ACVR2A: variants seen among roughly 807,000 people sequenced by gnomAD.
The protein encoded by ACVR2A is activin A receptor type 2A, also known as activin receptor type-2A.
A neutral mutation model predicts 61.4 loss-of-function variants in ACVR2A; 7 were observed. The ratio of observed to expected loss-of-function variants is 0.11; its 90% confidence interval spans 0.06 to 0.21. The LOEUF is 0.21. Among genes scored for constraint, ACVR2A ranks in the 10% least tolerant of loss-of-function variants. The pLI, the probability that ACVR2A is intolerant of heterozygous loss-of-function variation, is 1.00. For missense variants in ACVR2A, 322 were observed against 621.7 expected (o/e 0.52, Z 5.13); for synonymous variants, 193 against 208.3 (o/e 0.93, Z 0.63).
At chr2:147,901,504 T>C (rs542258805) in intron 4 of ACVR2A, among the ~76,000 whole-genome samples, 24 of 152,020 alleles carry the variant, frequency 1.6e-4, no homozygotes, top group Non-Finnish European at 3.5e-4. Flanking sequence ...GTTTGGACTT[T>C]TAAAAAGGAT....
intron 1 of ACVR2A, among the ~76,000 whole-genome samples, chr2:147,885,152 T>C (rs1188679880): frequency 1.3e-5 from 2 of 152,160 alleles, no homozygotes; most frequent in African/African-American, 2.4e-5. Flanking sequence ...TGAATTCCTA[T>C]ACTGTGCTAG....
chr2:147,921,329 C>T (rs1687377004), intron 8 of ACVR2A, among the ~76,000 whole-genome samples: 1 of 152,128 alleles, frequency 6.6e-6, no homozygotes, highest in Non-Finnish European at 1.5e-5. Flanking sequence ...GCCACCACGC[C>T]CAGCCAAGAT....
intron 1 of ACVR2A, among the ~76,000 whole-genome samples, chr2:147,878,873 C>T (rs1195518676): frequency 6.6e-6 from 1 of 151,908 alleles, no homozygotes; most frequent in Non-Finnish European, 1.5e-5. Flanking sequence ...CATGCCACTG[C>T]ACTCCAGCCT....
At chr2:147,870,150 A>G (rs1379511969) in intron 1 of ACVR2A, among the ~76,000 whole-genome samples, 1 of 151,918 alleles carries the variant, frequency 6.6e-6, no homozygotes, top group African/African-American at 2.4e-5. Flanking sequence ...AATGTGGTGT[A>G]TTCTCTAAAG....
chr2:147,870,628 A>G (rs1387549637), intron 1 of ACVR2A, among the ~76,000 whole-genome samples: 3 of 152,176 alleles, frequency 2.0e-5, no homozygotes, highest in Admixed American at 6.5e-5. Flanking sequence ...AATATCATAG[A>G]TAATTGTCGT....
intron 1 of ACVR2A, among the ~76,000 whole-genome samples, chr2:147,863,974 C>T (rs975088515): frequency 2.0e-5 from 3 of 152,100 alleles, no homozygotes; most frequent in Admixed American, 6.5e-5. Flanking sequence ...TTGAAATTTG[C>T]TCATGTAGAA....
At chr2:147,900,007 T>G in intron 4 of ACVR2A, 109 bp downstream of exon 4, 2 of 1,236,798 alleles carry the variant, frequency 1.6e-6, no homozygotes, top group Non-Finnish European at 2.2e-6. Flanking sequence ...TTGGAGTTAA[T>G]TTTTGAATGT....
At chr2:147,923,234 G>A (rs755289568) in intron 9 of ACVR2A, 123 bp downstream of exon 9, 10 of 1,117,746 alleles carry the variant, frequency 8.9e-6, no homozygotes, top group Non-Finnish European at 1.2e-5. Context: ...CCAAGAGATG[G>A]TAGAGAATTC....
chr2:147,870,653 C>T (rs1010141884), intron 1 of ACVR2A, among the ~76,000 whole-genome samples: 1 of 152,138 alleles, frequency 6.6e-6, no homozygotes, highest in Non-Finnish European at 1.5e-5. Flanking sequence ...CTTTTAGTTG[C>T]AAGAACTGTT....
At chr2:147,864,883 G>C (rs1471322325) in intron 1 of ACVR2A, among the ~76,000 whole-genome samples, 1 of 152,076 alleles carries the variant, frequency 6.6e-6, no homozygotes, top group Non-Finnish European at 1.5e-5. Context: ...GTTTTTAATT[G>C]TCTAAGAAAA....
intron 4 of ACVR2A, 48 bp from the exon 5 acceptor site, chr2:147,915,143 G>A (rs1290125581): frequency 1.3e-6 from 2 of 1,576,632 alleles, no homozygotes; most frequent in African/African-American, 1.4e-5. Context: ...CAGAGTTGGT[G>A]TGTGTCATGT....
intron 1 of ACVR2A, among the ~76,000 whole-genome samples, chr2:147,846,222 C>T (rs940387471): frequency 3.3e-5 from 5 of 150,920 alleles, no homozygotes; most frequent in African/African-American, 1.2e-4. Flanking sequence ...CTCATTGGAT[C>T]TATTTATTGT....
intron 1 of ACVR2A, among the ~76,000 whole-genome samples, chr2:147,860,019 G>C (rs561584179): frequency 3.9e-5 from 6 of 152,282 alleles, no homozygotes; most frequent in Middle Eastern, 3.4e-3. Flanking sequence ...GATTTCTTGA[G>C]ACAAAGCATT....
chr2:147,879,600 T>C (rs1686246144), intron 1 of ACVR2A, among the ~76,000 whole-genome samples: 1 of 152,210 alleles, frequency 6.6e-6, no homozygotes, highest in Non-Finnish European at 1.5e-5. Context: ...TAGTTTGATG[T>C]TCAAAGAGTG....
At chr2:147,910,895 T>A (rs576930601) in intron 4 of ACVR2A, among the ~76,000 whole-genome samples, 5 of 152,154 alleles carry the variant, frequency 3.3e-5, no homozygotes, top group Non-Finnish European at 5.9e-5. Context: ...CTGATGATCT[T>A]GTTTTCCTGT....
intron 1 of ACVR2A, among the ~76,000 whole-genome samples, chr2:147,884,836 A>G (rs1686390229): frequency 6.6e-6 from 1 of 152,228 alleles, no homozygotes; most frequent in East Asian, 1.9e-4. Flanking sequence ...CTGTTCCAAC[A>G]GTTTACTCAT....
chr2:147,926,902 A>G (rs1687513328), intron 10 of ACVR2A, among the ~76,000 whole-genome samples, 178 bp from the exon 11 acceptor site: 1 of 151,884 alleles, frequency 6.6e-6, no homozygotes, highest in African/African-American at 2.4e-5. Flanking sequence ...CATGCTTAAA[A>G]AAAAAGTTCT....
At chr2:147,889,470 C>T (rs1349500384) in intron 1 of ACVR2A, among the ~76,000 whole-genome samples, 3 of 152,162 alleles carry the variant, frequency 2.0e-5, no homozygotes, top group South Asian at 2.1e-4. Flanking sequence ...TTTGGCCGGG[C>T]GCAGTGGCTC....
rs1573697384 is a variant in ACVR2A at position 147,906,102 on chromosome 2, G to T, written c.528+6204G>T. On this transcript the variant is annotated intron_variant, in intron 4 of 10. Coordinates refer to ENST00000241416, the MANE Select transcript of ACVR2A (RefSeq NM_001616.5). ...TGTGTATTTAGGAGGAAGTGAGTTT[G>T]TTTTTTTCCTGTGTTCTTCATTTCC... Among the ~76,000 whole-genome samples, 7 of 151,940 alleles carry T rather than the reference G, an allele frequency of 4.6e-5. No individual in the cohort carries two copies. In the South Asian group the frequency reaches 1.2e-3, roughly 27 times the overall value.
Sources: allele counts gnomAD v4.1 joint callset (sites outside exome capture counted in the v4.1 genomes callset), GRCh38; gene constraint gnomAD v4.1.1; transcripts MANE v1.5; gene names NCBI Gene and HGNC (gene_info 2026-07-23, HGNC 2026-07-21).